Variants in SCAF4 observed in about 807,000 individuals in gnomAD.
SCAF4 encodes SR-related CTD associated factor 4.
A neutral mutation model predicts 129.8 loss-of-function variants in SCAF4; 25 were observed. That is an observed-to-expected ratio of 0.19 (90% CI 0.14 to 0.27). The LOEUF (loss-of-function observed/expected upper bound fraction) is 0.27. SCAF4 is among the 10% of genes least tolerant of loss of function. SCAF4 has a pLI of 1.00. For missense variants in SCAF4, 1,246 were observed against 1,457.1 expected, an observed-to-expected ratio of 0.86 and a Z score of 2.36; for synonymous variants, 551 against 497.7, an observed-to-expected ratio of 1.11 and a Z score of -1.43.
chr21:31,702,465 C>T, intron 4 of SCAF4, 86 bp from the exon 5 acceptor site: 1 of 1,202,272 alleles, frequency 8.3e-7, no homozygotes, highest in South Asian at 1.5e-5. Flanking sequence ...GAGGAAAACT[C>T]CCTAGGCTAA....
At position 31,696,589 on chromosome 21, in the gene SCAF4, A is replaced by G. The variant is rs1601219690; in HGVS notation, c.939T>C (p.Pro313=). 6.3e-7 allele frequency: 1 copy of G among 1,598,232 alleles called. No individual in the cohort carries two copies. ...CTAACAATGGTGCCTGTGGAGGAGG[A>G]GGAGAGGCAGCAGCGGGTGCAGCAG... is the stretch of plus-strand genomic sequence containing the variant. ...PAAAAPAAAS[P]PPPQAPFGFP... The change falls in exon 8 of 20, where the codon CCT becomes CCC. Residue 313 remains proline, a synonymous_variant. Coordinates refer to ENST00000286835, the MANE Select transcript of SCAF4 (RefSeq NM_020706.2).
chr21:31,694,498 G>T (rs1300949346), intron 10 of SCAF4, among the ~76,000 whole-genome samples: 2 of 152,024 alleles, frequency 1.3e-5, no homozygotes, highest in Non-Finnish European at 2.9e-5. Context: ...AAGATTAAAA[G>T]AAATATTTCT....
intron 19 of SCAF4, among the ~76,000 whole-genome samples, chr21:31,678,270 A>C (rs903594861): frequency 6.6e-6 from 1 of 152,202 alleles, no homozygotes; most frequent in Non-Finnish European, 1.5e-5. Context: ...TGGCAATTAC[A>C]TCTACCAGTT....
intron 19 of SCAF4, 38 bp from the exon 20 acceptor site, chr21:31,672,392 A>G: frequency 7.0e-7 from 1 of 1,437,746 alleles, no homozygotes; most frequent in Non-Finnish European, 9.8e-7. Flanking sequence ...AACACCACCG[A>G]AGATGGCACT....
intron 1 of SCAF4, among the ~76,000 whole-genome samples, chr21:31,723,238 C>G (rs2051114361): frequency 6.6e-6 from 1 of 152,020 alleles, no homozygotes; most frequent in Non-Finnish European, 1.5e-5. Context: ...CTGCCTAAGA[C>G]TTTTAAAGAT....
At chr21:31,723,629 T>TGTGTGTGTGTGTGTGTGTGTGTGC (rs1271033175) in intron 1 of SCAF4, among the ~76,000 whole-genome samples, 7 of 149,072 alleles carry the variant, frequency 4.7e-5, no homozygotes, top group African/African-American at 1.7e-4. Flanking sequence ...TGTGTGTGTG[T>TGTGTGTGTGTGTGTGTGTGTGTGC]GCGCGCGCGC....
intron 1 of SCAF4, among the ~76,000 whole-genome samples, chr21:31,712,379 A>C (rs747987559): frequency 1.3e-4 from 19 of 150,348 alleles, no homozygotes; most frequent in Admixed American, 6.0e-4. Context: ...CACCACACCC[A>C]GCAAATTTTT....
At chr21:31,726,291 C>T (rs566951372) in intron 1 of SCAF4, among the ~76,000 whole-genome samples, 2 of 152,120 alleles carry the variant, frequency 1.3e-5, no homozygotes, top group African/African-American at 2.4e-5. Context: ...GTCATCTGCC[C>T]GCCTCGGCCT....
chr21:31,703,232 C>T (rs1319824802), intron 4 of SCAF4, among the ~76,000 whole-genome samples: 1 of 152,236 alleles, frequency 6.6e-6, no homozygotes, highest in South Asian at 2.1e-4. Flanking sequence ...TGCACAATTT[C>T]TTCCTTACTC....
chr21:31,705,506 T>A (rs2050635371), intron 2 of SCAF4, 39 bp from the exon 3 acceptor site: 1 of 920,012 alleles, frequency 1.1e-6, no homozygotes, highest in Non-Finnish European at 1.6e-6. Flanking sequence ...TCAGTTTACT[T>A]ATTTCTACAT....
chr21:31,715,852 T>C (rs2050908914), intron 1 of SCAF4, among the ~76,000 whole-genome samples: 1 of 152,236 alleles, frequency 6.6e-6, no homozygotes, highest in African/African-American at 2.4e-5. Flanking sequence ...AATTCATTCA[T>C]AATGCAATCA....
In SCAF4 at chr21:31,671,762, G is replaced by T. The variant is rs754274667; in HGVS notation, c.3081C>A (p.Asn1027Lys). The stretch of plus-strand genomic sequence containing the variant: ...TCCTTCCCCACTCTCTCCTGTCACG[G>T]TTACTATTATCTCTATCATCATTAC... ...GNRNDDRDNS[N>K]RDRREWGRRS... Residue 1027 changes from asparagine (N) to lysine (K), a missense_variant, in exon 20 of 20, where the codon AAC (asparagine) becomes AAA (lysine). Asn to Lys is a moderately conservative substitution (Grantham distance 94, BLOSUM62 0). Transcript: ENST00000286835. The T allele has an allele frequency of 1.9e-6, 3 of 1,614,000 alleles. No homozygotes were observed. The highest frequency in any genetic ancestry group is 1.1e-5 in the South Asian group (1 of 91,084).
intron 6 of SCAF4, 67 bp downstream of exon 6, chr21:31,701,709 T>C (rs532815244): frequency 9.4e-6 from 14 of 1,488,638 alleles, no homozygotes; most frequent in African/African-American, 2.9e-5. Flanking sequence ...TAATGAAGAA[T>C]AGAAAACAAG....
rs148371750 is a variant in SCAF4, at chr21:31,724,033, T to C, written c.30+7630A>G. Among the ~76,000 whole-genome samples, 171 of 152,270 alleles carry C rather than the reference T, an allele frequency of 1.1e-3. 3 individuals carry two copies. The highest frequency in any genetic ancestry group is 9.2e-3 in the Admixed American group (140 of 15,290). On this transcript the variant is annotated intron_variant, in intron 1 of 19. Transcript: ENST00000286835. ...TGGTACAGTGCACTTTACTGGAATATAGGGTTTCTGTATACTTACTTATCT... is the reference window on the plus strand; with the variant it reads ...TGGTACAGTGCACTTTACTGGAATACAGGGTTTCTGTATACTTACTTATCT...
At chr21:31,709,456 GC>G (rs1160877109) in intron 1 of SCAF4, among the ~76,000 whole-genome samples, 6 of 151,948 alleles carry the variant, frequency 3.9e-5, no homozygotes, top group African/African-American at 1.5e-4. Context: ...CTAAGCCAGA[GC>G]TAATATTCAT....
chr21:31,673,637 A>G (rs1249045731), intron 19 of SCAF4, among the ~76,000 whole-genome samples: 1 of 152,238 alleles, frequency 6.6e-6, no homozygotes, highest in Non-Finnish European at 1.5e-5. Context: ...CACTCTTCAC[A>G]TCATTTGGGA....
chr21:31,713,623 A>G (rs1372537135), intron 1 of SCAF4, among the ~76,000 whole-genome samples: 4 of 152,154 alleles, frequency 2.6e-5, no homozygotes, highest in Admixed American at 2.0e-4. Flanking sequence ...ACAACAGCCC[A>G]GGGAAAAATT....
intron 6 of SCAF4, among the ~76,000 whole-genome samples, chr21:31,701,419 T>C (rs2050528653): frequency 6.6e-6 from 1 of 152,068 alleles, no homozygotes; most frequent in Non-Finnish European, 1.5e-5. Context: ...AAAGAGAAAA[T>C]ACACTGAATT....
intron 1 of SCAF4, among the ~76,000 whole-genome samples, chr21:31,726,170 C>G (rs543330338): frequency 6.6e-6 from 1 of 152,032 alleles, no homozygotes; most frequent in African/African-American, 2.4e-5. Context: ...CTCAGCCTCC[C>G]AAGTAGCTGG....
Sources: allele counts gnomAD v4.1 joint callset (sites outside exome capture counted in the v4.1 genomes callset), GRCh38; gene constraint gnomAD v4.1.1; transcripts MANE v1.5; gene names NCBI Gene and HGNC (gene_info 2026-07-23, HGNC 2026-07-21).